The following EIF2D variants were observed in gnomAD, a reference collection of about 807,000 sequenced individuals.
EIF2D encodes hepatocellular carcinoma-associated antigen 56.
A neutral mutation model predicts 77.4 loss-of-function variants in EIF2D; 56 were observed. The observed-to-expected ratio is 0.72, with a 90% CI of 0.58 to 0.90. EIF2D has a LOEUF of 0.90. Ranked by LOEUF, EIF2D falls within the 40% of genes least tolerant of loss-of-function variation. EIF2D has a pLI of 0.00. For synonymous variants in EIF2D, 230 were observed against 271.0 expected (o/e 0.85, Z 1.49); for missense variants, 574 against 706.5 (o/e 0.81, Z 2.13).
intron 4 of EIF2D, 28 bp from the exon 5 acceptor site, chr1:206,605,535 G>A (rs782258699): frequency 1.3e-6 from 2 of 1,592,570 alleles, no homozygotes; most frequent in Non-Finnish European, 8.6e-7. Context: ...AGAGACCAGG[G>A]TCATGGAAAA....
chr1:206,574,529 T>A (rs1383199372), intron 4 of EIF2D, among the ~76,000 whole-genome samples: 1 of 152,224 alleles, frequency 6.6e-6, no homozygotes, highest in Non-Finnish European at 1.5e-5. Context: ...CACCTCTTTT[T>A]TCCCTCTGCT....
chr1:206,572,101 A>G (rs986968992), intron 5 of EIF2D, among the ~76,000 whole-genome samples: 48 of 152,236 alleles, frequency 3.2e-4, no homozygotes, highest in African/African-American at 1.2e-3. Flanking sequence ...AAATGGGTCC[A>G]TGGACCAGCA....
intron 12 of EIF2D, among the ~76,000 whole-genome samples, chr1:206,596,141 G>A (rs1367104673): frequency 2.0e-5 from 3 of 152,236 alleles, no homozygotes; most frequent in Non-Finnish European, 4.4e-5. Context: ...GGCCTTTTGA[G>A]AATCTGCCCA....
At position 206,583,477 on chromosome 1, in the gene EIF2D, C is replaced by A. The variant is rs1284615086; in HGVS notation, c.139-2315G>T. On this transcript the variant is annotated intron_variant and NMD_transcript_variant, in intron 2 of 5. Transcript: ENST00000472709. ...TCTGAATTCTGTGGCTACTCCCTGG[C>A]AGGTCCCCTCCCTTTCCTCCGGCCT... The A allele has an allele frequency of 2.8e-5, 23 of 823,200 alleles. No homozygotes were observed. The African/African-American group carries it at 2.9e-4, about 10-fold the overall frequency. The allele number at this position is 823,200 out of a possible 1,614,324, so 51.0% of individuals were successfully genotyped here.
chr1:206,580,553 G>C (rs1668831143), intron 4 of EIF2D: 2 of 152,226 alleles, frequency 1.3e-5, no homozygotes, highest in Admixed American at 6.5e-5. Context: ...CAGCTGGCAA[G>C]GACTGAGGAT....
chr1:206,569,251 CTAA>C (rs1242334453), downstream of EIF2D, among the ~76,000 whole-genome samples: 1 of 152,208 alleles, frequency 6.6e-6, no homozygotes, highest in Non-Finnish European at 1.5e-5. Context: ...CATACACATC[CTAA>C]GGTTACAGAA....
downstream of EIF2D, chr1:206,587,047 G>A: frequency 1.3e-6 from 2 of 1,572,220 alleles, no homozygotes; most frequent in Non-Finnish European, 1.7e-6. Flanking sequence ...TTTTGCAACA[G>A]ACACTTTTTC....
At position 206,591,804 on chromosome 1, in the gene EIF2D, T is replaced by C. The variant is rs1669347227; in HGVS notation, c.1726A>G (p.Lys576Glu). The change falls in exon 15 of 15, where the codon AAG becomes GAG. Residue 576 changes from lysine to glutamate, a missense_variant. Physicochemically the swap from Lys to Glu is moderately conservative, Grantham distance 56. Coordinates refer to ENST00000271764, the MANE Select transcript of EIF2D (RefSeq NM_006893.3). Reference sequence around the variant, plus strand: ...TTCTTCTTGCCAGGTTTGAGGGCCTTTTCTAGACCTTGGATGTGTTTTCGA... The same window carrying C: ...TTCTTCTTGCCAGGTTTGAGGGCCTCTTCTAGACCTTGGATGTGTTTTCGA... ...LPRKHIQGLE[K>E]ALKPGKKK is the part of the protein sequence containing the mutation. 1.2e-6 allele frequency: 2 copies of C among 1,614,054 alleles called. No homozygotes were observed. The highest frequency in any genetic ancestry group is 1.1e-5 in the South Asian group (1 of 91,094).
rs1553413902 is a variant in EIF2D at position 206,611,206 on chromosome 1, CA to C, written c.224del (p.Leu75ArgfsTer33). ...TACCTGTTGGATACAGATTTTTCTC[CA>C]GTTCAAAGAGGATGGGGTTACCACC... ...VSGGNPILFE[L>X]EKNLYPTVYT... On this transcript the variant is annotated frameshift_variant, in exon 2 of 15. Transcript: ENST00000271764. LOFTEE classifies it high-confidence loss of function. 12 of 1,613,102 alleles carry C rather than the reference CA, an allele frequency of 7.4e-6. No homozygotes were observed. Among genetic ancestry groups the C allele is most frequent in the Non-Finnish European group, 1.0e-5 (12 of 1,179,360 alleles).
At chr1:206,571,696 G>A (rs1350713289) in intron 5 of EIF2D, among the ~76,000 whole-genome samples, 4 of 152,196 alleles carry the variant, frequency 2.6e-5, no homozygotes, top group African/African-American at 9.6e-5. Context: ...CAGTTCCAGG[G>A]GCAGGAGGCC....
chr1:206,608,122 A>C, intron 4 of EIF2D, 114 bp downstream of exon 4: 2 of 1,004,730 alleles, frequency 2.0e-6, no homozygotes, highest in Non-Finnish European at 2.9e-6. Flanking sequence ...GCTTCTTCCA[A>C]AACCGATTTT....
chr1:206,578,233 A>AGAGT lies in EIF2D; in HGVS notation c.*254+2458_*254+2459insACTC, dbSNP rs782121565. ...AGAGGGAGACATCTCAAAAAAAAAA[A>AGAGT]GTGTGTGTGTGTGTGTGTGTGTGTG... On this transcript the variant is annotated intron_variant and NMD_transcript_variant, in intron 4 of 5. Transcript: ENST00000472709. Among the ~76,000 whole-genome samples, 771 of 117,584 alleles carry AGAGT rather than the reference A, an allele frequency of 6.6e-3. 9 individuals carry two copies. Among genetic ancestry groups the AGAGT allele is most frequent in the African/African-American group, 0.023 (722 of 31,976 alleles). 77.1% of individuals were successfully genotyped at this position (117,584 alleles called of 152,430 possible). A position where few individuals can be genotyped will look rare whatever the true frequency, so the allele number is the denominator to read the frequency against.
rs1182558189 is a variant in EIF2D, at chr1:206,605,490, C to T, written c.440G>A (p.Gly147Glu). ...CTCAGCTGTGGACATGGCTGCAACT[C>T]CAATGGCTACAGGGGCTCTAAGAAG... is the stretch of plus-strand genomic sequence containing the variant. ...LVGNRAPVAI[G>E]VAAMSTAEML... The change falls in exon 5 of 15, where the codon GGA becomes GAA. Residue 147 changes from glycine to glutamate, a missense_variant. Gly to Glu is a moderately conservative substitution (Grantham distance 98). Transcript: ENST00000271764. The T allele has an allele frequency of 6.2e-7, 1 of 1,613,940 alleles. No homozygotes were observed. The highest frequency in any genetic ancestry group is 8.5e-7 in the Non-Finnish European group (1 of 1,179,984).
chr1:206,600,759 C>T (rs1293243879), intron 7 of EIF2D: 1 of 156,730 alleles, frequency 6.4e-6, no homozygotes, highest in African/African-American at 2.4e-5. Context: ...CAAACTCACA[C>T]TGTGGGCAGC....
At chr1:206,583,407 C>A in intron 2 of EIF2D, 2 of 1,484,342 alleles carry the variant, frequency 1.3e-6, no homozygotes, top group Admixed American at 1.7e-5. Context: ...CTCAACCTGG[C>A]CCCTGCTCCA....
intron 1 of EIF2D, among the ~76,000 whole-genome samples, chr1:206,611,958 AGGGGC>A (rs1670517985): frequency 6.6e-6 from 1 of 152,148 alleles, no homozygotes; most frequent in African/African-American, 2.4e-5. Flanking sequence ...ATCTCTCCCA[AGGGGC>A]ATTAAGCTCT....
Position 206,595,758 on chromosome 1 carries a change from G to A in EIF2D, c.1469C>T (p.Pro490Leu). The A allele has an allele frequency of 1.2e-6, 2 of 1,614,170 alleles. No homozygotes were observed. The highest frequency in any genetic ancestry group is 1.7e-6 in the Non-Finnish European group (2 of 1,180,016). The change falls in exon 13 of 15, where the codon CCA becomes CTA. Residue 490 changes from proline to leucine, a missense_variant. Pro to Leu is a moderately conservative substitution (Grantham distance 98). Transcript: ENST00000271764. ...TCTTTGTGCTAGGGTGATGTCAATT[G>A]GACAGATTCTCCCTTTCTTCACAAT... ...EPIVKKGRIC[P>L]IDITLAQRAS...
At chr1:206,586,883 G>C (rs782502649), downstream of EIF2D, 3 of 1,613,990 alleles carry the variant, frequency 1.9e-6, no homozygotes, top group Non-Finnish European at 1.7e-6. Context: ...GGAAAAAGAG[G>C]AGCAGGACAA....
intron 4 of EIF2D, among the ~76,000 whole-genome samples, chr1:206,573,923 C>A (rs116773612): frequency 6.6e-6 from 1 of 152,234 alleles, no homozygotes; most frequent in Admixed American, 6.5e-5. Context: ...ATGGCCAGCA[C>A]AGGCCACCTG....
Sources: allele counts gnomAD v4.1 joint callset (sites outside exome capture counted in the v4.1 genomes callset), GRCh38; gene constraint gnomAD v4.1.1; transcripts MANE v1.5; gene names NCBI Gene and HGNC (gene_info 2026-07-23, HGNC 2026-07-21).